Variants in NCKAP1 observed in about 807,000 individuals in gnomAD.
The protein encoded by NCKAP1 is nck-associated protein 1.
In NCKAP1, 21 loss-of-function variants were observed where a neutral mutation model predicts 151.2. That is an observed-to-expected ratio of 0.14 (90% confidence interval 0.10 to 0.20). The LOEUF (loss-of-function observed/expected upper bound fraction) is 0.20, where lower values mean the gene tolerates loss of function less well. Ranked by LOEUF, NCKAP1 falls within the 10% of genes least tolerant of loss-of-function variation. The probability of loss-of-function intolerance (pLI) is 1.00; values close to 1 mark genes in which losing one functional copy is unlikely to be tolerated. For missense variants in NCKAP1, 933 were observed against 1,352.1 expected, an observed-to-expected ratio of 0.69 and a Z score of 4.86; for synonymous variants, 484 against 451.8, an observed-to-expected ratio of 1.07 and a Z score of -0.90.
In NCKAP1 at chr2:182,952,812, C is replaced by A; in HGVS notation, c.2484G>T (p.Glu828Asp). The A allele has an allele frequency of 6.2e-7, 1 of 1,608,766 alleles. No homozygotes were observed. Among genetic ancestry groups the A allele is most frequent in the South Asian group, 1.1e-5 (1 of 90,150 alleles). Residue 828 changes from glutamate to aspartate, a missense_variant, in exon 22 of 31, where the codon GAG (glutamate) becomes GAT (aspartate). By Grantham distance (45) the Glu-to-Asp change is conservative. Transcript: ENST00000361354. ...PTENELTFNA[E>D]EYSDISEMRS... ...ATTCACCTGATATGTCAGAATATTC[C>A]TCTGCATTGAATGTTAATTCATTTT...
In NCKAP1 at chr2:183,002,204, T is replaced by C. The variant is rs1698386716; in HGVS notation, c.435A>G (p.Ile145Met). The C allele has an allele frequency of 2.5e-6, 4 of 1,589,610 alleles. No homozygotes were observed. The highest frequency in any genetic ancestry group is 3.5e-6 in the Non-Finnish European group (4 of 1,157,946). Residue 145 changes from isoleucine to methionine, a missense_variant, in exon 5 of 31, where the codon ATA becomes ATG. Ile to Met is a conservative substitution (Grantham distance 10). Transcript: ENST00000361354. ...DLIITYTTLM[I>M]LLSRIEERKA... is the part of the protein sequence containing the mutation. ...TCCTTTCTTCAATTCGAGACAGCAG[T>C]ATCATTAGTGTTGTATAGGTTATAA...
chr2:183,010,069 A>G (rs1014952401), intron 2 of NCKAP1, among the ~76,000 whole-genome samples: 46 of 152,162 alleles, frequency 3.0e-4, no homozygotes, highest in African/African-American at 1.1e-3. Flanking sequence ...GGAATGCACA[A>G]AGAGTTTTCT....
intron 2 of NCKAP1, among the ~76,000 whole-genome samples, chr2:183,017,801 A>G (rs1334868810): frequency 6.6e-6 from 1 of 152,210 alleles, no homozygotes; most frequent in Non-Finnish European, 1.5e-5. Context: ...TACCCAGAAG[A>G]AAAGCCAGCA....
At chr2:182,932,254 T>A (rs1378272854) in intron 26 of NCKAP1, among the ~76,000 whole-genome samples, 1 of 152,134 alleles carries the variant, frequency 6.6e-6, no homozygotes, top group African/African-American at 2.4e-5. Context: ...AAACAAAATG[T>A]TGTATACCCA....
intron 4 of NCKAP1, 36 bp downstream of exon 4, chr2:183,002,932 GGAAACA>G: frequency 6.6e-7 from 1 of 1,505,002 alleles, no homozygotes; most frequent in Non-Finnish European, 9.2e-7. Context: ...GAGCTCTTCT[GGAAACA>G]GAATAATTGG....
rs1340260177 is a variant in NCKAP1 at position 182,959,946 on chromosome 2, CAGAG to C, written c.1881+2209_1881+2212del. Among the ~76,000 whole-genome samples the C allele has an allele frequency of 7.2e-5, 11 of 152,232 alleles. No homozygotes were observed. The East Asian group carries it at 1.4e-3, about 19-fold the overall frequency. On this transcript the variant is annotated intron_variant, in intron 18 of 30. Coordinates refer to ENST00000361354, the MANE Select transcript of NCKAP1 (RefSeq NM_013436.5). ...AGCATTCTTATACACCAATAACAGA[CAGAG>C]AGCCAAATCATGAGTGAACTCCCAT... is the stretch of plus-strand genomic sequence containing the variant.
intron 2 of NCKAP1, among the ~76,000 whole-genome samples, chr2:183,017,031 G>A (rs1482160298): frequency 1.3e-5 from 2 of 152,084 alleles, no homozygotes; most frequent in Non-Finnish European, 2.9e-5. Context: ...CAGCTCAAGG[G>A]GGGAAACACA....
chr2:183,035,429 T>C (rs750403295), intron 1 of NCKAP1, among the ~76,000 whole-genome samples: 30 of 152,306 alleles, frequency 2.0e-4, no homozygotes, highest in Admixed American at 3.9e-4. Flanking sequence ...ATACTTCCAA[T>C]TGAAACAGAG....
At chr2:182,999,035 T>C (rs1308163241) in intron 6 of NCKAP1, among the ~76,000 whole-genome samples, 1 of 152,060 alleles carries the variant, frequency 6.6e-6, no homozygotes, top group African/African-American at 2.4e-5. Flanking sequence ...CATTCTACGC[T>C]CATGGGATGG....
intron 1 of NCKAP1, among the ~76,000 whole-genome samples, chr2:183,031,329 T>C (rs1699000208): frequency 6.6e-6 from 1 of 152,236 alleles, no homozygotes; most frequent in Non-Finnish European, 1.5e-5. Context: ...CAGCTTCCAA[T>C]ATACAGGATC....
chr2:183,037,847 A>AGGCGACCCCGGGCCGGGCCTCGGGC, intron 1 of NCKAP1, 145 bp downstream of exon 1: 1 of 582,038 alleles, frequency 1.7e-6, no homozygotes, highest in Non-Finnish European at 2.8e-6. Context: ...CGGCGCATCC[A>AGGCGACCCCGGGCCGGGCCTCGGGC]GGCGACCCCG....
At chr2:182,933,163 C>A (rs1048538635) in intron 26 of NCKAP1, among the ~76,000 whole-genome samples, 1 of 152,060 alleles carries the variant, frequency 6.6e-6, no homozygotes, top group African/African-American at 2.4e-5. Context: ...GCAATTGAAT[C>A]AAGCCTTAAA....
At chr2:183,008,613 T>C (rs1019049173) in intron 2 of NCKAP1, among the ~76,000 whole-genome samples, 4 of 152,220 alleles carry the variant, frequency 2.6e-5, no homozygotes, top group Middle Eastern at 6.8e-3. Flanking sequence ...ATGTCTGGGG[T>C]GCTCTTCAAC....
At chr2:183,001,694 T>C (rs1380272801) in intron 6 of NCKAP1, among the ~76,000 whole-genome samples, 1 of 152,184 alleles carries the variant, frequency 6.6e-6, no homozygotes, top group African/African-American at 2.4e-5. Flanking sequence ...AAATACCATA[T>C]GGTAAATCCT....
At chr2:183,037,931 T>G in intron 1 of NCKAP1, 61 bp downstream of exon 1, 1 of 1,313,786 alleles carries the variant, frequency 7.6e-7, no homozygotes. Flanking sequence ...ACGGCCTCCC[T>G]TGCCCTTCAT....
chr2:182,940,821 T>A (rs1233712135), intron 24 of NCKAP1, among the ~76,000 whole-genome samples: 1 of 152,242 alleles, frequency 6.6e-6, no homozygotes, highest in Non-Finnish European at 1.5e-5. Flanking sequence ...GATAGATTTG[T>A]ATCACCACTA....
chr2:182,981,237 T>G lies in NCKAP1; in HGVS notation c.1341+7A>C. The G allele has an allele frequency of 6.2e-7, 1 of 1,612,314 alleles. No homozygotes were observed. Among genetic ancestry groups the G allele is most frequent in the Non-Finnish European group, 8.5e-7 (1 of 1,179,184 alleles). On this transcript the variant is annotated splice_region_variant and intron_variant, in intron 13 of 30. Transcript: ENST00000361354. The stretch of plus-strand genomic sequence containing the variant: ...ACAAAAGGGAAATAGTATGAGATAG[T>G]TTTTACCTGCACGAGTTCATTGAGG...
chr2:182,920,776 G>A lies in NCKAP1; in HGVS notation c.*4926C>T, dbSNP rs566008888. ...AGGCCCCACATCCTGTCACACTGATGATCAGATTTCAACATATGAATTTTG... is the reference window on the plus strand; with the variant it reads ...AGGCCCCACATCCTGTCACACTGATAATCAGATTTCAACATATGAATTTTG... On this transcript the variant is annotated 3_prime_UTR_variant, in exon 31 of 31. Transcript: ENST00000361354. The A allele has an allele frequency of 6.6e-6, 1 of 152,134 alleles. No homozygotes were observed. Among genetic ancestry groups the A allele is most frequent in the Admixed American group, 6.5e-5 (1 of 15,282 alleles). The allele number at this position is 152,134 out of a possible 1,614,324, so 9.4% of individuals were successfully genotyped here. A position where few individuals can be genotyped will look rare whatever the true frequency, so the allele number is the denominator to read the frequency against.
intron 13 of NCKAP1, among the ~76,000 whole-genome samples, chr2:182,980,695 T>G (rs1697919149): frequency 6.6e-6 from 1 of 152,202 alleles, no homozygotes; most frequent in African/African-American, 2.4e-5. Flanking sequence ...CTGGCCATCC[T>G]CTAACAATCT....
Sources: allele counts gnomAD v4.1 joint callset (sites outside exome capture counted in the v4.1 genomes callset), GRCh38; gene constraint gnomAD v4.1.1; transcripts MANE v1.5; gene names NCBI Gene and HGNC (gene_info 2026-07-23, HGNC 2026-07-21).